STX8: variants seen among roughly 807,000 people sequenced by gnomAD.
STX8 encodes syntaxin 8.
Under a neutral mutation model 37.5 loss-of-function variants are expected in STX8, and 23 were observed. That is an observed-to-expected ratio of 0.61 (90% CI 0.44 to 0.87). The LOEUF is 0.87. STX8 is among the 40% of genes least tolerant of loss of function. STX8 has a pLI of 0.00. For synonymous variants in STX8, 115 were observed against 99.1 expected, an observed-to-expected ratio of 1.16 and a Z score of -0.95; for missense variants, 313 against 284.7, an observed-to-expected ratio of 1.10 and a Z score of -0.71.
intron 6 of STX8, among the ~76,000 whole-genome samples, chr17:9,437,075 G>A (rs1904458404): frequency 6.6e-6 from 1 of 152,228 alleles, no homozygotes; most frequent in Non-Finnish European, 1.5e-5. Flanking sequence ...TCAAAGTGGA[G>A]AAATACAATG....
Position 9,338,895 on chromosome 17 carries a change from C to A in STX8, c.643+39657G>T, listed in dbSNP as rs191465522. Among the ~76,000 whole-genome samples the A allele has an allele frequency of 4.6e-5, 7 of 151,926 alleles. No individual in the cohort carries two copies. In the East Asian group the frequency reaches 1.4e-3, roughly 29 times the overall value. On this transcript the variant is annotated intron_variant, in intron 7 of 7. Transcript: ENST00000306357. ...GACCATCCTGGCTAACACAGTGAAA[C>A]CCTGTCTCTACTAAAAATACAAAAA...
At chr17:9,313,538 G>C (rs554236274) in intron 7 of STX8, among the ~76,000 whole-genome samples, 1 of 152,316 alleles carries the variant, frequency 6.6e-6, no homozygotes, top group South Asian at 2.1e-4. Context: ...AGAATCTGCT[G>C]AACACAAAGA....
intron 6 of STX8, among the ~76,000 whole-genome samples, chr17:9,465,705 G>C (rs940342328): frequency 6.6e-6 from 1 of 152,126 alleles, no homozygotes; most frequent in Non-Finnish European, 1.5e-5. Flanking sequence ...CGGATCACTC[G>C]AACAACGACG....
At chr17:9,466,036 T>C (rs1159979978) in intron 6 of STX8, among the ~76,000 whole-genome samples, 4 of 152,022 alleles carry the variant, frequency 2.6e-5, no homozygotes, top group Non-Finnish European at 5.9e-5. Context: ...ACTGGCGCAA[T>C]CTCGGCTCAC....
chr17:9,429,061 T>C (rs556048368), intron 6 of STX8, among the ~76,000 whole-genome samples: 1 of 152,022 alleles, frequency 6.6e-6, no homozygotes, highest in Non-Finnish European at 1.5e-5. Context: ...TAATCCTTAA[T>C]TACCCAGAAG....
At chr17:9,519,701 G>T (rs9904848) in intron 4 of STX8, among the ~76,000 whole-genome samples, 1 of 150,608 alleles carries the variant, frequency 6.6e-6, no homozygotes, top group African/African-American at 2.5e-5. Context: ...CAACATCCCC[G>T]CTTCCACACC....
At chr17:9,473,831 G>C (rs959445259) in intron 6 of STX8, among the ~76,000 whole-genome samples, 7 of 152,126 alleles carry the variant, frequency 4.6e-5, no homozygotes, top group Admixed American at 3.9e-4. Flanking sequence ...TATTCATGAT[G>C]AGTCTTTTTG....
At chr17:9,468,409 A>C (rs1418833360) in intron 6 of STX8, among the ~76,000 whole-genome samples, 2 of 152,134 alleles carry the variant, frequency 1.3e-5, no homozygotes, top group Non-Finnish European at 2.9e-5. Flanking sequence ...TGCACCCAGC[A>C]ATATAGTGGT....
intron 6 of STX8, among the ~76,000 whole-genome samples, chr17:9,471,868 T>C (rs1203216769): frequency 1.3e-5 from 2 of 152,136 alleles, no homozygotes; most frequent in Non-Finnish European, 2.9e-5. Context: ...TTTGTATCCT[T>C]TTGCTATGAT....
chr17:9,285,026 A>G (rs1398357240), intron 7 of STX8, among the ~76,000 whole-genome samples: 4 of 152,252 alleles, frequency 2.6e-5, no homozygotes, highest in Admixed American at 2.6e-4. Flanking sequence ...CCATTCTCCC[A>G]GCTTCCCAGG....
chr17:9,464,719 A>AT (rs1567572471), intron 6 of STX8: 3 of 132,588 alleles, frequency 2.3e-5, no homozygotes, highest in Non-Finnish European at 4.6e-5. Context: ...TGCCAATCTC[A>AT]TTGTTTTTTT....
intron 6 of STX8, among the ~76,000 whole-genome samples, chr17:9,392,815 G>A (rs750806946): frequency 1.2e-4 from 19 of 152,150 alleles, no homozygotes; most frequent in Non-Finnish European, 2.8e-4. Flanking sequence ...TGAACTGGAA[G>A]ATAGTTCCAA....
Position 9,312,147 on chromosome 17 carries a change from G to A in STX8, c.644-61502C>T, listed in dbSNP as rs140934750. On this transcript the variant is annotated intron_variant, in intron 7 of 7. Transcript: ENST00000306357. ...GGTGTGAGCCACTGCGCCCAGCTTC[G>A]TTAAATTCTTATTAAACACATAAAA... is the stretch of plus-strand genomic sequence containing the variant. Among the ~76,000 whole-genome samples the A allele has an allele frequency of 3.0e-3, 435 of 146,524 alleles. 1 individual carries two copies. The highest frequency in any genetic ancestry group is 0.01 in the African/African-American group (412 of 39,744).
chr17:9,568,154 T>C (rs1907533505), intron 2 of STX8, among the ~76,000 whole-genome samples: 1 of 152,160 alleles, frequency 6.6e-6, no homozygotes, highest in African/African-American at 2.4e-5. Flanking sequence ...GTTAGAAATA[T>C]TTAAAGTAAA....
Position 9,413,122 on chromosome 17 carries a change from G to A in STX8, c.542-34469C>T, listed in dbSNP as rs150949404. Reference sequence around the variant, plus strand: ...AGAAAAAAATACCAGAAAGGAGGCTGTGCAATAGCACTGAGATGTAACAGG... The same window carrying A: ...AGAAAAAAATACCAGAAAGGAGGCTATGCAATAGCACTGAGATGTAACAGG... On this transcript the variant is annotated intron_variant, in intron 6 of 7. Coordinates refer to ENST00000306357, the MANE Select transcript of STX8 (RefSeq NM_004853.3). 3.7e-3 allele frequency among the ~76,000 whole-genome samples: 556 copies of A among 152,324 alleles called. 5 individuals are homozygous for A. The highest frequency in any genetic ancestry group is 0.012 in the African/African-American group (512 of 41,560).
chr17:9,442,943 G>A (rs1904719683), intron 6 of STX8, among the ~76,000 whole-genome samples: 3 of 152,150 alleles, frequency 2.0e-5, no homozygotes, highest in Admixed American at 2.0e-4. Context: ...ATGTTAATAT[G>A]GCCTCAGAGG....
chr17:9,431,597 G>T (rs1913986793), intron 6 of STX8, among the ~76,000 whole-genome samples: 1 of 152,122 alleles, frequency 6.6e-6, no homozygotes, highest in Admixed American at 6.6e-5. Flanking sequence ...GGCTGGCCAA[G>T]GGCAGCAGGT....
chr17:9,332,013 C>T (rs949020194), intron 7 of STX8, among the ~76,000 whole-genome samples: 1 of 152,188 alleles, frequency 6.6e-6, no homozygotes, highest in Non-Finnish European at 1.5e-5. Flanking sequence ...GCAATGATTC[C>T]GAGTCTGGGA....
intron 7 of STX8, among the ~76,000 whole-genome samples, chr17:9,363,194 C>T (rs1031659514): frequency 1.3e-5 from 2 of 152,136 alleles, no homozygotes; most frequent in Non-Finnish European, 2.9e-5. Context: ...TAAAATTAAC[C>T]ATCTGAGGCC....
Sources: gnomAD v4.1 joint callset for allele counts (sites outside exome capture counted in the v4.1 genomes callset) on GRCh38, gnomAD v4.1.1 for gene constraint, MANE v1.5 for transcripts, NCBI Gene and HGNC (gene_info 2026-07-23, HGNC 2026-07-21) for gene names.